Variants in WDR91 observed in about 807,000 individuals in gnomAD.
The protein encoded by WDR91 is WD repeat domain 91, also known as WD repeat-containing protein 91.
In WDR91, 52 loss-of-function variants were observed where a neutral mutation model predicts 88.4. That is an observed-to-expected ratio of 0.59 (90% CI 0.47 to 0.74). The LOEUF (loss-of-function observed/expected upper bound fraction) is 0.74. Ranked by LOEUF, WDR91 falls within the 30% of genes least tolerant of loss-of-function variation. The pLI is 0.00. For missense variants in WDR91, 824 were observed against 954.5 expected (o/e 0.86, Z 1.80); for synonymous variants, 362 against 389.5 (o/e 0.93, Z 0.83).
chr7:135,200,816 C>T (rs1489513711), intron 6 of WDR91, among the ~76,000 whole-genome samples: 2 of 152,230 alleles, frequency 1.3e-5, no homozygotes, highest in East Asian at 1.9e-4. Flanking sequence ...CATTAATTTC[C>T]GGTGGAATGA....
In WDR91 at chr7:135,196,464, G is replaced by T; in HGVS notation, c.1051-127C>A. On this transcript the variant is annotated intron_variant, in intron 7 of 14. Coordinates refer to ENST00000354475, the MANE Select transcript of WDR91 (RefSeq NM_014149.4). The surrounding 1 kb of genome is among the most constrained non-coding windows in gnomAD (Gnocchi z 4.2). ...TTCTCGGTAATTACAGAGTGGAGAG[G>T]AGAGCTCTGACCTGCGAGGGTAGTG... 1 of 923,210 alleles carries T rather than the reference G, an allele frequency of 1.1e-6. No homozygotes were observed. The highest frequency in any genetic ancestry group is 1.5e-6 in the Non-Finnish European group (1 of 653,288). 57.2% of individuals were successfully genotyped at this position (923,210 alleles called of 1,614,324 possible).
Position 135,187,124 on chromosome 7 carries a change from A to C in WDR91, c.1927T>G (p.Tyr643Asp), listed in dbSNP as rs1253797890. The part of the protein sequence containing the change: ...IHKSGLKVSE[Y>D]SLPSDATGPF... ...CCCGTGGCATCTGAGGGGAGGCTGT[A>C]CTCGGATACCTTGAGGCCACTCTTG... is the stretch of plus-strand genomic sequence containing the variant. The change falls in exon 14 of 15, where the codon TAC (tyrosine) becomes GAC (aspartate). Residue 643 changes from tyrosine to aspartate, a missense_variant. Tyr to Asp is a radical substitution (Grantham distance 160). Transcript: ENST00000354475. 1 of 1,614,214 alleles carries C rather than the reference A, an allele frequency of 6.2e-7. No individual in the cohort carries two copies. The highest frequency in any genetic ancestry group is 8.5e-7 in the Non-Finnish European group (1 of 1,180,038).
chr7:135,204,500 C>A (rs1338643221), intron 5 of WDR91, 67 bp from the exon 6 acceptor site: 13 of 1,557,944 alleles, frequency 8.3e-6, no homozygotes, highest in Admixed American at 1.8e-5. Flanking sequence ...AGAACATAGA[C>A]CTCCCGGGCT....
In WDR91 at chr7:135,205,815, G is replaced by A. The variant is rs368381516; in HGVS notation, c.725+113C>T. 6.6e-4 allele frequency: 985 copies of A among 1,494,832 alleles called. 5 individuals are homozygous for A. In the South Asian group the frequency reaches 8.9e-3, roughly 14 times the overall value. The allele number at this position is 1,494,832 out of a possible 1,614,324, so 92.6% of individuals were successfully genotyped here. On this transcript the variant is annotated intron_variant, in intron 5 of 14. Coordinates refer to ENST00000354475, the MANE Select transcript of WDR91 (RefSeq NM_014149.4). ...GCAGTGTGTGCCAGGAGGCTCTTCC[G>A]CAATTCTCCTTCAGCAGGCACAGAG...
At chr7:135,190,668 A>G (rs1195575935) in intron 11 of WDR91, among the ~76,000 whole-genome samples, 1 of 136,796 alleles carries the variant, frequency 7.3e-6, no homozygotes, top group African/African-American at 2.5e-5. Context: ...AACACGACAA[A>G]GCAGGTTTTA....
chr7:135,202,723 A>G (rs6959053), intron 6 of WDR91, among the ~76,000 whole-genome samples: 2,367 of 152,302 alleles, frequency 0.016, 64 homozygotes, highest in African/African-American at 0.054. Flanking sequence ...CACATCACCT[A>G]TTAAACTTAT....
chr7:135,186,672 G>T (rs533184042), intron 14 of WDR91, among the ~76,000 whole-genome samples: 1 of 152,362 alleles, frequency 6.6e-6, no homozygotes, highest in African/African-American at 2.4e-5. Flanking sequence ...GAAGGTTCAT[G>T]TCCCATACTG....
At chr7:135,189,505 C>T (rs899995272) in intron 11 of WDR91, 53 bp from the exon 12 acceptor site, 48 of 1,486,066 alleles carry the variant, frequency 3.2e-5, no homozygotes, top group Non-Finnish European at 4.3e-5. Context: ...AGCCCAGGCA[C>T]GCTGCTTATT....
intron 11 of WDR91, among the ~76,000 whole-genome samples, chr7:135,191,201 A>G (rs1831150413): frequency 6.6e-6 from 1 of 152,234 alleles, no homozygotes; most frequent in Non-Finnish European, 1.5e-5. Flanking sequence ...ACAAGAAGCT[A>G]TTCTAGAAAA....
chr7:135,184,072 A>G lies in WDR91; in HGVS notation c.*2079T>C, dbSNP rs10457. On this transcript the variant is annotated 3_prime_UTR_variant, in exon 15 of 15. Transcript: ENST00000354475. The stretch of plus-strand genomic sequence containing the variant: ...GACCACTTTTTAAATGTCCTACAGA[A>G]TCACTGGGTGAGATAAGTAAGATCA... 0.69 allele frequency: 105,346 copies of G among 152,008 alleles called. 37,274 individuals carry two copies. Among genetic ancestry groups the G allele is most frequent in the Admixed American group, 0.81 (12,419 of 15,290 alleles). 9.4% of individuals were successfully genotyped at this position (152,008 alleles called of 1,614,324 possible).
intron 6 of WDR91, chr7:135,198,906 C>A (rs1831471824): frequency 6.6e-6 from 1 of 152,210 alleles, no homozygotes; most frequent in Non-Finnish European, 1.5e-5. Flanking sequence ...GCTGCCACCC[C>A]CACATCTTTC....
chr7:135,190,835 A>G (rs1450125372), intron 11 of WDR91, among the ~76,000 whole-genome samples: 1 of 152,200 alleles, frequency 6.6e-6, no homozygotes, highest in Non-Finnish European at 1.5e-5. Context: ...AGTGAAACAA[A>G]AAAGAGGAAG....
chr7:135,205,891 G>C (rs753084736), intron 5 of WDR91, 37 bp downstream of exon 5: 1 of 1,611,784 alleles, frequency 6.2e-7, no homozygotes, highest in Non-Finnish European at 8.5e-7. Flanking sequence ...AGAGCACAGA[G>C]GGCAAAGAAA....
chr7:135,204,421 G>A lies in WDR91; in HGVS notation c.738C>T (p.Cys246=). 1.9e-6 allele frequency: 3 copies of A among 1,614,104 alleles called. No homozygotes were observed. Among genetic ancestry groups the A allele is most frequent in the Non-Finnish European group, 2.5e-6 (3 of 1,179,994 alleles). ...GGGAGAGGGAGGCATTCCTTTGGCT[G>A]CACACCATGGCACTGGTCAGCAAAC... is the stretch of plus-strand genomic sequence containing the variant. ...RLGDSELAMV[C]SQRNASLSQS... Residue 246 remains cysteine (C), a synonymous_variant, in exon 6 of 15, where the codon TGC becomes TGT. Transcript: ENST00000354475.
intron 11 of WDR91, among the ~76,000 whole-genome samples, chr7:135,192,712 A>G (rs1355511450): frequency 6.6e-6 from 1 of 152,242 alleles, no homozygotes; most frequent in Non-Finnish European, 1.5e-5. Flanking sequence ...GAAACGAATC[A>G]TTTTAATAAG....
chr7:135,198,133 G>T lies in WDR91; in HGVS notation c.910C>A (p.Pro304Thr). 6.2e-7 allele frequency: 1 copy of T among 1,613,108 alleles called. No homozygotes were observed. The highest frequency in any genetic ancestry group is 8.5e-7 in the Non-Finnish European group (1 of 1,179,538). The change falls in exon 7 of 15, where the codon CCG becomes ACG. Residue 304 changes from proline to threonine, a missense_variant. By Grantham distance (38) the Pro-to-Thr change is conservative. Coordinates refer to ENST00000354475, the MANE Select transcript of WDR91 (RefSeq NM_014149.4). ...FGGQGTKGKD[P>T]TSGAKDGKSL... ...TTCCCATCCTTGGCTCCGGACGTCG[G>T]GTCCTTTCCCTTGGTGCCCTAGAGG...
intron 5 of WDR91, 68 bp from the exon 6 acceptor site, chr7:135,204,501 C>T: frequency 1.3e-6 from 2 of 1,554,092 alleles, no homozygotes; most frequent in Non-Finnish European, 1.8e-6. Context: ...GAACATAGAC[C>T]TCCCGGGCTA....
At position 135,196,176 on chromosome 7, in the gene WDR91, G is replaced by A. The variant is rs34139815; in HGVS notation, c.1212C>T (p.Tyr404=). The change falls in exon 8 of 15, where the codon TAC becomes TAT. Residue 404 remains tyrosine, a synonymous_variant. Coordinates refer to ENST00000354475, the MANE Select transcript of WDR91 (RefSeq NM_014149.4). The surrounding 1 kb of genome is among the most constrained non-coding windows in gnomAD (Gnocchi z 4.2). ...GCATGATGGATGAGTGGTGTTCCCC[G>A]TACTCCTCCTGTCCCAGCACAATAA... ...QPFIVLGQEE[Y]GEHHSSIMHC... is the part of the protein sequence containing the mutation. The A allele has an allele frequency of 3.2e-4, 513 of 1,588,180 alleles. 1 individual carries two copies. In the African/African-American group the frequency reaches 5.8e-3, roughly 18 times the overall value.
intron 13 of WDR91, 50 bp from the exon 14 acceptor site, chr7:135,187,219 C>A (rs1357880898): frequency 1.9e-6 from 3 of 1,598,102 alleles, no homozygotes; most frequent in Admixed American, 1.7e-5. Flanking sequence ...CTGGCCAATG[C>A]AGGCCTCAAG....
Sources: allele counts gnomAD v4.1 joint callset (sites outside exome capture counted in the v4.1 genomes callset), GRCh38; gene constraint gnomAD v4.1.1; non-coding constraint Gnocchi (gnomAD v3.1); transcripts MANE v1.5; gene names NCBI Gene and HGNC (gene_info 2026-07-23, HGNC 2026-07-21).